OR2A1: variants seen among roughly 807,000 people sequenced by gnomAD.
The protein encoded by OR2A1 is olfactory receptor family 2 subfamily A member 1, also known as olfactory receptor 2A1/2A42.
For synonymous variants in OR2A1, 2 were observed against 94.7 expected, an observed-to-expected ratio of 0.02 and a Z score of 5.68; for missense variants, 1 against 212.3, an observed-to-expected ratio of 0.00 and a Z score of 6.19.
chr7:144,317,843 A>G (rs1289002967), intron 1 of OR2A1, among the ~76,000 whole-genome samples: 3 of 27,650 alleles, frequency 1.1e-4, no homozygotes, highest in Middle Eastern at 0.015. Context: ...TAATTTTTAT[A>G]TGTGCAGCTT....
chr7:144,313,331 C>T (rs1196153696), intron 1 of OR2A1, among the ~76,000 whole-genome samples: 3 of 92,528 alleles, frequency 3.2e-5, no homozygotes, highest in African/African-American at 1.3e-4. Flanking sequence ...ATGTATTTCA[C>T]CTTTTTAGTC....
rs2053145124 is a variant in OR2A1, at chr7:144,320,381, T to C, written c.*1324T>C. ...GGTGGTAAGATCCAGAACAAAGACA[T>C]CTCTAGTTCACATACAACACTCACA... On this transcript the variant is annotated 3_prime_UTR_variant, in exon 2 of 2. Coordinates refer to ENST00000641044, the MANE Select transcript of OR2A1 (RefSeq NM_001005287.2). The C allele has an allele frequency of 7.7e-6, 1 of 129,820 alleles. No homozygotes were observed. Among genetic ancestry groups the C allele is most frequent in the African/African-American group, 3.7e-5 (1 of 27,240 alleles). The allele number at this position is 129,820 out of a possible 1,614,324, so 8.0% of individuals were successfully genotyped here.
Position 144,318,482 on chromosome 7 carries a change from G to C in OR2A1, c.358G>C (p.Asp120His), listed in dbSNP as rs753997832. The change falls in exon 2 of 2, where the codon GAT becomes CAT. Residue 120 changes from aspartate to histidine, a missense_variant. Coordinates refer to ENST00000641044, the MANE Select transcript of OR2A1 (RefSeq NM_001005287.2). ...ECLLLVLMSY[D>H]RYVAICHPLR... ...TCTCCTGCTGGTGCTGATGTCCTACGATCGTTACGTGGCCATCTGCCACCC... is the reference window on the plus strand; with the variant it reads ...TCTCCTGCTGGTGCTGATGTCCTACCATCGTTACGTGGCCATCTGCCACCC... The C allele has an allele frequency of 1.3e-6, 1 of 797,646 alleles. No individual in the cohort carries two copies. 49.4% of individuals were successfully genotyped at this position (797,646 alleles called of 1,614,324 possible). A position where few individuals can be genotyped will look rare whatever the true frequency, so the allele number is the denominator to read the frequency against.
At chr7:144,316,149 A>T (rs573455321) in intron 1 of OR2A1, among the ~76,000 whole-genome samples, 49 of 151,346 alleles carry the variant, frequency 3.2e-4, no homozygotes, top group East Asian at 7.7e-4. Flanking sequence ...CTGAAAAAAA[A>T]ATATAACCCT....
upstream of OR2A1, among the ~76,000 whole-genome samples, chr7:144,312,091 T>A (rs1322052310): frequency 9.8e-6 from 1 of 101,702 alleles, no homozygotes; most frequent in Non-Finnish European, 2.0e-5. Context: ...CTGGGATTCA[T>A]GAAATCCAAG....
Position 144,321,919 on chromosome 7 carries a change from G to A in OR2A1, c.*2862G>A. On this transcript the variant is annotated 3_prime_UTR_variant, in exon 2 of 2. Coordinates refer to ENST00000641044, the MANE Select transcript of OR2A1 (RefSeq NM_001005287.2). Reference sequence around the variant, plus strand: ...GGTCACCTACGCCTTTGCCCTCATGGCTTCCCCTTGTCCCCCCTAGAGGCA... The same window carrying A: ...GGTCACCTACGCCTTTGCCCTCATGACTTCCCCTTGTCCCCCCTAGAGGCA... 2 of 92,964 alleles carry A rather than the reference G, an allele frequency of 2.2e-5. No homozygotes were observed. Among genetic ancestry groups the A allele is most frequent in the African/African-American group, 6.8e-5 (1 of 14,702 alleles). 5.8% of individuals were successfully genotyped at this position (92,964 alleles called of 1,614,324 possible).
intron 1 of OR2A1, among the ~76,000 whole-genome samples, chr7:144,316,831 TCTC>T (rs1449302483): frequency 2.7e-4 from 20 of 73,160 alleles, no homozygotes; most frequent in African/African-American, 1.0e-3. Context: ...CTGGAGAAGT[TCTC>T]CTTAATCCAG....
At chr7:144,315,878 C>G (rs200473922) in intron 1 of OR2A1, among the ~76,000 whole-genome samples, 40,709 of 80,742 alleles carry the variant, frequency 0.5, 11,348 homozygotes, top group East Asian at 0.73. Flanking sequence ...TGGCATGCAC[C>G]TGTAATCCCA....
chr7:144,313,684 AATG>A (rs1463646546), intron 1 of OR2A1, among the ~76,000 whole-genome samples: 1 of 76,614 alleles, frequency 1.3e-5, no homozygotes, highest in African/African-American at 6.1e-5. Context: ...GTATGTTTTA[AATG>A]ATATATATGT....
At position 144,313,287 on chromosome 7, in the gene OR2A1, T is replaced by C. The variant is rs1534784; in HGVS notation, c.-5+740T>C. ...AGTTAGTCAATAAATAATTATTGAA[T>C]ACCTACCATATTCCAGGCACAATAT... is the stretch of plus-strand genomic sequence containing the variant. On this transcript the variant is annotated intron_variant, in intron 1 of 1. Transcript: ENST00000641044. Among the ~76,000 whole-genome samples the C allele has an allele frequency of 0.084, 6,802 of 80,774 alleles. 1,801 individuals carry two copies. In the East Asian group the frequency reaches 0.89, roughly 11 times the overall value. The allele number at this position is 80,774 out of a possible 152,430, so 53.0% of individuals were successfully genotyped here. A position where few individuals can be genotyped will look rare whatever the true frequency, so the allele number is the denominator to read the frequency against.
In OR2A1 at chr7:144,322,616, C is replaced by G. The variant is rs1395118325; in HGVS notation, c.*3559C>G. 6.7e-6 allele frequency: 1 copy of G among 150,170 alleles called. No homozygotes were observed. Among genetic ancestry groups the G allele is most frequent in the Non-Finnish European group, 1.5e-5 (1 of 67,628 alleles). 9.3% of individuals were successfully genotyped at this position (150,170 alleles called of 1,614,324 possible). On this transcript the variant is annotated 3_prime_UTR_variant, in exon 2 of 2. Transcript: ENST00000641044. The stretch of plus-strand genomic sequence containing the variant: ...GAAACATGAATCAAGACCAGGCAGT[C>G]TGACTGTAAATAAATTCTGAGCCAC...
At chr7:144,315,960 C>A (rs1290642538) in intron 1 of OR2A1, among the ~76,000 whole-genome samples, 2 of 92,722 alleles carry the variant, frequency 2.2e-5, no homozygotes, top group African/African-American at 6.5e-5. Context: ...CGTAATCACA[C>A]CACCGCATTC....
In OR2A1 at chr7:144,321,041, A is replaced by G. The variant is rs2053155665; in HGVS notation, c.*1984A>G. On this transcript the variant is annotated 3_prime_UTR_variant, in exon 2 of 2. Coordinates refer to ENST00000641044, the MANE Select transcript of OR2A1 (RefSeq NM_001005287.2). ...GTAAATTATCTAGCCGGGCATGGCA[A>G]CGTGTGCCTATATCCCCAGCTATTC... 1.1e-5 allele frequency: 1 copy of G among 92,356 alleles called. No individual in the cohort carries two copies. The highest frequency in any genetic ancestry group is 9.6e-5 in the Admixed American group (1 of 10,402). 5.7% of individuals were successfully genotyped at this position (92,356 alleles called of 1,614,324 possible). A position where few individuals can be genotyped will look rare whatever the true frequency, so the allele number is the denominator to read the frequency against.
chr7:144,313,454 G>A (rs2053043868), intron 1 of OR2A1, among the ~76,000 whole-genome samples: 1 of 129,694 alleles, frequency 7.7e-6, no homozygotes, highest in South Asian at 2.4e-4. Context: ...GGAATTTCTG[G>A]CTTGCTTAAA....
At chr7:144,313,332 C>T (rs1439000825) in intron 1 of OR2A1, among the ~76,000 whole-genome samples, 1 of 91,640 alleles carries the variant, frequency 1.1e-5, no homozygotes, top group Non-Finnish European at 2.1e-5. Context: ...TGTATTTCAC[C>T]TTTTTAGTCA....
chr7:144,320,284 CACAG>C lies in OR2A1; in HGVS notation c.*1232_*1235del, dbSNP rs2053144004. ...TTAAGAGATTCAGAGGAACACAGAA[CACAG>C]ACAGGGTGGGAGTAGAGGCTGTTCT... On this transcript the variant is annotated 3_prime_UTR_variant, in exon 2 of 2. Transcript: ENST00000641044. 2 of 83,724 alleles carry C rather than the reference CACAG, an allele frequency of 2.4e-5. No individual in the cohort carries two copies. The highest frequency in any genetic ancestry group is 1.5e-4 in the African/African-American group (2 of 13,016). The allele number at this position is 83,724 out of a possible 1,614,324, so 5.2% of individuals were successfully genotyped here.
upstream of OR2A1, chr7:144,312,348 T>G (rs1285680047): frequency 2.5e-5 from 2 of 78,892 alleles, no homozygotes; most frequent in African/African-American, 1.1e-4. Context: ...TTCTGATACA[T>G]TTTCAATCAG....
chr7:144,321,933 C>A lies in OR2A1; in HGVS notation c.*2876C>A, dbSNP rs2053169856. 1.1e-5 allele frequency: 1 copy of A among 89,026 alleles called. No individual in the cohort carries two copies. The highest frequency in any genetic ancestry group is 2.2e-5 in the Non-Finnish European group (1 of 45,358). The allele number at this position is 89,026 out of a possible 1,614,324, so 5.5% of individuals were successfully genotyped here. ...TTGCCCTCATGGCTTCCCCTTGTCCCCCCTAGAGGCACAGGAGGCCACTCA... is the reference window on the plus strand; with the variant it reads ...TTGCCCTCATGGCTTCCCCTTGTCCACCCTAGAGGCACAGGAGGCCACTCA... On this transcript the variant is annotated 3_prime_UTR_variant, in exon 2 of 2. Coordinates refer to ENST00000641044, the MANE Select transcript of OR2A1 (RefSeq NM_001005287.2).
chr7:144,315,340 A>G lies in OR2A1; in HGVS notation c.-4-2781A>G, dbSNP rs1445936820. 8.9e-5 allele frequency among the ~76,000 whole-genome samples: 5 copies of G among 56,202 alleles called. 2 individuals are homozygous for G. Among genetic ancestry groups the G allele is most frequent in the African/African-American group, 3.5e-4 (5 of 14,202 alleles). 36.9% of individuals were successfully genotyped at this position (56,202 alleles called of 152,430 possible). A position where few individuals can be genotyped will look rare whatever the true frequency, so the allele number is the denominator to read the frequency against. ...ATTCAGATTATAGTAGACATTCCAG[A>G]TTCAGTCAAAGGATGGTTAAAAAAA... On this transcript the variant is annotated intron_variant, in intron 1 of 1. Transcript: ENST00000641044.
Sources: gnomAD v4.1 joint callset for allele counts (sites outside exome capture counted in the v4.1 genomes callset) on GRCh38, gnomAD v4.1.1 for gene constraint, MANE v1.5 for transcripts, NCBI Gene and HGNC (gene_info 2026-07-23, HGNC 2026-07-21) for gene names.